The following MYH2 variants were observed in gnomAD, a reference collection of about 807,000 sequenced individuals.
MYH2 encodes myosin heavy chain 2.
MYH2 carries 139 observed loss-of-function variants against 228.1 expected under a neutral mutation model. That is an observed-to-expected ratio of 0.61 (90% CI 0.53 to 0.70). The LOEUF (loss-of-function observed/expected upper bound fraction) is 0.70. Among genes scored for constraint, MYH2 ranks in the 30% least tolerant of loss-of-function variants. The probability of loss-of-function intolerance (pLI) is 0.00; values close to 1 mark genes in which losing one functional copy is unlikely to be tolerated. For missense variants in MYH2, 1,809 were observed against 2,357.5 expected, an observed-to-expected ratio of 0.77 and a Z score of 4.82; for synonymous variants, 796 against 871.1, an observed-to-expected ratio of 0.91 and a Z score of 1.52.
intron 21 of MYH2, 124 bp downstream of exon 21, chr17:10,533,161 A>G: frequency 7.1e-7 from 1 of 1,406,114 alleles, no homozygotes; most frequent in Non-Finnish European, 9.9e-7. Context: ...GTGTATTCCC[A>G]CTTCATTATA....
chr17:10,546,459 T>A (rs1026889605), intron 4 of MYH2, among the ~76,000 whole-genome samples: 14 of 151,740 alleles, frequency 9.2e-5, no homozygotes, highest in African/African-American at 3.1e-4. Flanking sequence ...TATAGTATAA[T>A]AAATTTGATT....
intron 14 of MYH2, among the ~76,000 whole-genome samples, chr17:10,538,549 G>T (rs1259912398): frequency 6.6e-6 from 1 of 151,376 alleles, no homozygotes; most frequent in Non-Finnish European, 1.5e-5. Flanking sequence ...GGAGGCTGAG[G>T]CAGGAGAATG....
At chr17:10,533,204 A>G in intron 21 of MYH2, 81 bp downstream of exon 21, 2 of 1,586,474 alleles carry the variant, frequency 1.3e-6, no homozygotes, top group Non-Finnish European at 1.7e-6. Flanking sequence ...TAGTGTCCTT[A>G]TCATAAGCTG....
In MYH2 at chr17:10,527,012, G is replaced by T; in HGVS notation, c.3916C>A (p.Gln1306Lys). The T allele has an allele frequency of 6.2e-7, 1 of 1,614,116 alleles. No homozygotes were observed. The highest frequency in any genetic ancestry group is 8.5e-7 in the Non-Finnish European group (1 of 1,180,016). Residue 1306 changes from glutamine (Q) to lysine (K), a missense_variant, in exon 29 of 40, where the codon CAG becomes AAG. Physicochemically the swap from Gln to Lys is moderately conservative, Grantham distance 53. Transcript: ENST00000245503. The stretch of plus-strand genomic sequence containing the variant: ...AAGGCTTGTTTGCCTCTTGATAACT[G>T]AGACACCAGAGCTTCCTTTTCATCA... ...QLDEKEALVSQLSRGKQAFTQ... is the reference protein window; with the variant it reads ...QLDEKEALVSKLSRGKQAFTQ...
chr17:10,536,329 T>A (rs962694215), intron 17 of MYH2, among the ~76,000 whole-genome samples: 1 of 151,738 alleles, frequency 6.6e-6, no homozygotes, highest in African/African-American at 2.4e-5. Context: ...AAAATAAATT[T>A]AAAAAAAGAA....
chr17:10,542,834 C>T, intron 10 of MYH2, 41 bp downstream of exon 10: 1 of 1,369,322 alleles, frequency 7.3e-7, no homozygotes, highest in Non-Finnish European at 1.0e-6. Context: ...TTGATAGGTA[C>T]TGATGCAGTA....
chr17:10,546,256 G>GATATATATATATATATATAT lies in MYH2; in HGVS notation c.349-774_349-755dup, dbSNP rs71139049. ...GTTATAAGGAAACAGGACACGAAAT[G>GATATATATATATATATATAT]ATATATATATATATATATATATATA... On this transcript the variant is annotated intron_variant, in intron 4 of 39. Coordinates refer to ENST00000245503, the MANE Select transcript of MYH2 (RefSeq NM_017534.6). Among the ~76,000 whole-genome samples, 258 of 66,098 alleles carry GATATATATATATATATATAT rather than the reference G, an allele frequency of 3.9e-3. 35 individuals carry two copies. The highest frequency in any genetic ancestry group is 8.2e-3 in the African/African-American group (113 of 13,860). The allele number at this position is 66,098 out of a possible 152,430, so 43.4% of individuals were successfully genotyped here.
At chr17:10,535,571 C>T (rs2142308509) in intron 17 of MYH2, among the ~76,000 whole-genome samples, 1 of 152,334 alleles carries the variant, frequency 6.6e-6, no homozygotes, top group Non-Finnish European at 1.5e-5. Context: ...GAGTTACACA[C>T]AGAACAAGGA....
chr17:10,537,625 T>C lies in MYH2; in HGVS notation c.1587+40A>G, dbSNP rs1567733880. ...TTAAAATAAAAAGCAGCGAATAATA[T>C]AGTTGCCGCAAAATATGGTTTCAGA... On this transcript the variant is annotated intron_variant, in intron 15 of 39. Transcript: ENST00000245503. The surrounding 1 kb of genome is among the most constrained non-coding windows in gnomAD (Gnocchi z 4.0). 6.8e-6 allele frequency: 11 copies of C among 1,614,176 alleles called. No homozygotes were observed. In the Middle Eastern group the frequency reaches 9.9e-4, roughly 145 times the overall value.
rs2073470421 is a variant in MYH2 at position 10,535,318 on chromosome 17, G to A, written c.2022C>T (p.His674=). 1.2e-6 allele frequency: 2 copies of A among 1,614,196 alleles called. No homozygotes were observed. The highest frequency in any genetic ancestry group is 1.7e-6 in the Non-Finnish European group (2 of 1,180,036). Residue 674 remains histidine (H), a synonymous_variant, in exon 18 of 40, where the codon CAC becomes CAT. Coordinates refer to ENST00000245503, the MANE Select transcript of MYH2 (RefSeq NM_017534.6). ...CATTGGGGATGATACACCTCACAAAGTGAGGATGGGTACTCCTGAGGTTGG... is the reference window on the plus strand; with the variant it reads ...CATTGGGGATGATACACCTCACAAAATGAGGATGGGTACTCCTGAGGTTGG... ...LMTNLRSTHP[H]FVRCIIPNET...
intron 27 of MYH2, among the ~76,000 whole-genome samples, chr17:10,528,464 G>A (rs1254232149): frequency 1.3e-5 from 2 of 152,072 alleles, no homozygotes; most frequent in Non-Finnish European, 2.9e-5. Context: ...TCAAAAGCTG[G>A]TGTTGTCGTT....
chr17:10,547,475 G>A lies in MYH2; in HGVS notation c.348C>T (p.Tyr116=), dbSNP rs570034593. The A allele has an allele frequency of 1.9e-5, 31 of 1,614,104 alleles. No individual in the cohort carries two copies. Among genetic ancestry groups the A allele is most frequent in the South Asian group, 1.2e-4 (11 of 91,064 alleles). ...CAGAGCACTGGCAGGGGACACTCAC[G>A]TAGATCATCCAGGCTGCATAACGTT... is the stretch of plus-strand genomic sequence containing the variant. ...LKERYAAWMI[Y]TYSGLFCVTV... The change falls in exon 4 of 40, where the codon TAC becomes TAT. Residue 116 remains tyrosine, a splice_region_variant and synonymous_variant. Coordinates refer to ENST00000245503, the MANE Select transcript of MYH2 (RefSeq NM_017534.6).
chr17:10,548,526 T>C (rs1441415656), intron 2 of MYH2, among the ~76,000 whole-genome samples: 1 of 152,238 alleles, frequency 6.6e-6, no homozygotes, highest in Non-Finnish European at 1.5e-5. Flanking sequence ...CAGTGGCTTA[T>C]TGGAGATTAT....
In MYH2 at chr17:10,546,984, T is replaced by C. The variant is rs1481050537; in HGVS notation, c.348+491A>G. Among the ~76,000 whole-genome samples the C allele has an allele frequency of 3.3e-5, 5 of 151,446 alleles. No individual in the cohort carries two copies. In the East Asian group the frequency reaches 9.8e-4, roughly 30 times the overall value. On this transcript the variant is annotated intron_variant, in intron 4 of 39. Transcript: ENST00000245503. ...CACATGCCTGTAATCCCAGCTACTC[T>C]GGAGGCTGAGGCACAAGAATCGCTT...
intron 22 of MYH2, among the ~76,000 whole-genome samples, chr17:10,531,111 A>G (rs2073419520): frequency 6.6e-6 from 1 of 152,208 alleles, no homozygotes; most frequent in South Asian, 2.1e-4. Context: ...GTGTGACATG[A>G]TGGGACACTG....
intron 11 of MYH2, 27 bp downstream of exon 11, chr17:10,540,567 A>G (rs756784402): frequency 6.5e-7 from 1 of 1,544,754 alleles, no homozygotes; most frequent in Admixed American, 1.7e-5. Flanking sequence ...CACCATAATA[A>G]TTCCAATTTT....
Position 10,540,658 on chromosome 17 carries a change from A to G in MYH2, c.944T>C (p.Phe315Ser). 6.2e-7 allele frequency: 1 copy of G among 1,613,666 alleles called. No individual in the cohort carries two copies. The highest frequency in any genetic ancestry group is 8.5e-7 in the Non-Finnish European group (1 of 1,179,556). The change falls in exon 11 of 40, where the codon TTT becomes TCT. Residue 315 changes from phenylalanine to serine, a missense_variant. Coordinates refer to ENST00000245503, the MANE Select transcript of MYH2 (RefSeq NM_017534.6). ...LITTNPYDYP[F>S]VSQGEISVAS... The stretch of plus-strand genomic sequence containing the variant: ...CACACTGATCTCCCCTTGACTGACA[A>G]ATGGGTAATCATATGGGTTCGTGGT...
At position 10,527,035 on chromosome 17, in the gene MYH2, T is replaced by C. The variant is rs755613860; in HGVS notation, c.3893A>G (p.Asp1298Gly). Residue 1298 changes from aspartate to glycine, a missense_variant, in exon 29 of 40, where the codon GAT (aspartate) becomes GGT (glycine). Physicochemically the swap from Asp to Gly is moderately conservative, Grantham distance 94. Around this residue, in one of 9 missense-constraint regions of MYH2, gnomAD observed 636 missense variants for 729.9 expected, o/e 0.87. Coordinates refer to ENST00000245503, the MANE Select transcript of MYH2 (RefSeq NM_017534.6). ...CTGAGACACCAGAGCTTCCTTTTCA[T>C]CAAGCTGGCGTGAAAACTCACCTGA... ...TESGEFSRQL[D>G]EKEALVSQLS... 2 of 1,614,156 alleles carry C rather than the reference T, an allele frequency of 1.2e-6. No homozygotes were observed. Among genetic ancestry groups the C allele is most frequent in the Non-Finnish European group, 1.7e-6 (2 of 1,180,024 alleles).
At chr17:10,532,742 A>G (rs1288895566) in intron 21 of MYH2, among the ~76,000 whole-genome samples, 1 of 152,234 alleles carries the variant, frequency 6.6e-6, no homozygotes, top group East Asian at 1.9e-4. Flanking sequence ...ACCTGGCTCT[A>G]TAGTCTTTGA....
Sources: allele counts gnomAD v4.1 joint callset (sites outside exome capture counted in the v4.1 genomes callset), GRCh38; gene constraint gnomAD v4.1.1; regional missense constraint gnomAD v4.1.1; non-coding constraint Gnocchi (gnomAD v3.1); transcripts MANE v1.5; gene names NCBI Gene and HGNC (gene_info 2026-07-23, HGNC 2026-07-21).